The following PTPRD variants were observed in gnomAD, a reference collection of about 807,000 sequenced individuals.
The protein encoded by PTPRD is receptor-type tyrosine-protein phosphatase delta.
PTPRD carries 34 observed loss-of-function variants against 214.5 expected under a neutral mutation model. The observed-to-expected ratio is 0.16, with a 90% CI of 0.12 to 0.21. The LOEUF (loss-of-function observed/expected upper bound fraction) is 0.21, where lower values mean the gene tolerates loss of function less well. Ranked by LOEUF, PTPRD falls within the 10% of genes least tolerant of loss-of-function variation. The pLI is 1.00. For synonymous variants in PTPRD, 1,128 were observed against 845.7 expected, an observed-to-expected ratio of 1.33 and a Z score of -5.79; for missense variants, 2,545 against 2,398.7, an observed-to-expected ratio of 1.06 and a Z score of -1.27.
chr9:8,890,590 T>C (rs2098530661), intron 11 of PTPRD, among the ~76,000 whole-genome samples: 1 of 152,240 alleles, frequency 6.6e-6, no homozygotes, highest in Non-Finnish European at 1.5e-5. Context: ...GAAAGATCTT[T>C]ATTTTAATGT....
intron 7 of PTPRD, among the ~76,000 whole-genome samples, chr9:9,575,785 GA>G (rs35252772): frequency 0.4 from 43,985 of 110,076 alleles, 6,818 homozygotes; most frequent in African/African-American, 0.43. Context: ...GAAAGAAAAA[GA>G]AAAAAAAAAA....
At chr9:8,516,232 G>C (rs182875708) in intron 21 of PTPRD, among the ~76,000 whole-genome samples, 1 of 152,202 alleles carries the variant, frequency 6.6e-6, no homozygotes, top group Non-Finnish European at 1.5e-5. Flanking sequence ...TTTTTGGTAA[G>C]AACAGCCTAC....
intron 2 of PTPRD, among the ~76,000 whole-genome samples, chr9:10,346,879 T>C (rs1565446134): frequency 1.3e-5 from 2 of 152,206 alleles, no homozygotes; most frequent in African/African-American, 2.4e-5. Flanking sequence ...TGAGTAATCT[T>C]AGATCTATCC....
intron 7 of PTPRD, among the ~76,000 whole-genome samples, chr9:9,675,780 G>C (rs1034890743): frequency 6.6e-6 from 1 of 151,882 alleles, no homozygotes; most frequent in Admixed American, 6.6e-5. Context: ...TTTTAAAAGC[G>C]TCCCAATTCA....
chr9:9,451,712 G>T (rs2092232991), intron 8 of PTPRD, among the ~76,000 whole-genome samples: 2 of 151,484 alleles, frequency 1.3e-5, no homozygotes, highest in African/African-American at 4.8e-5. Context: ...CTTAAAATAT[G>T]AGCAAGGAGT....
intron 2 of PTPRD, among the ~76,000 whole-genome samples, chr9:10,563,653 TTTG>T (rs1237396448): frequency 1.4e-5 from 2 of 146,440 alleles, no homozygotes; most frequent in African/African-American, 2.6e-5. Context: ...TTGTTGTTGT[TTTG>T]TTGTTATCAT....
chr9:8,610,607 G>A (rs185865955), intron 14 of PTPRD, among the ~76,000 whole-genome samples: 3 of 152,244 alleles, frequency 2.0e-5, no homozygotes, highest in Admixed American at 2.0e-4. Flanking sequence ...CAAGGAGTGG[G>A]CATGCTAAGC....
chr9:8,507,740 T>G (rs1224167978), intron 21 of PTPRD, among the ~76,000 whole-genome samples: 1 of 152,186 alleles, frequency 6.6e-6, no homozygotes. Flanking sequence ...TGGTTGTTAG[T>G]AATAAATAAT....
chr9:9,840,513 T>C (rs1327514308), intron 5 of PTPRD, among the ~76,000 whole-genome samples: 4 of 152,090 alleles, frequency 2.6e-5, no homozygotes, highest in Admixed American at 6.6e-5. Flanking sequence ...TCTTACATTA[T>C]GTTTGGTCAT....
At chr9:8,481,006 G>C (rs970747952) in intron 30 of PTPRD, among the ~76,000 whole-genome samples, 2 of 151,994 alleles carry the variant, frequency 1.3e-5, no homozygotes, top group Non-Finnish European at 2.9e-5. Flanking sequence ...CAGGCGTGGT[G>C]GTGGGCTCCT....
chr9:8,678,047 G>A (rs1468540101), intron 12 of PTPRD, among the ~76,000 whole-genome samples: 1 of 152,138 alleles, frequency 6.6e-6, no homozygotes, highest in Non-Finnish European at 1.5e-5. Context: ...TGACAGCTTG[G>A]AATCCCGGCA....
chr9:10,115,042 C>T (rs1054885588), intron 3 of PTPRD, among the ~76,000 whole-genome samples: 7 of 142,876 alleles, frequency 4.9e-5, no homozygotes, highest in Non-Finnish European at 7.7e-5. Flanking sequence ...GAAAAAAAAA[C>T]GAGAAAAAAA....
At chr9:9,659,936 A>G (rs981439464) in intron 7 of PTPRD, among the ~76,000 whole-genome samples, 15 of 152,094 alleles carry the variant, frequency 9.9e-5, no homozygotes, top group African/African-American at 3.4e-4. Flanking sequence ...TCATAAATAT[A>G]CAGTGCTCAT....
intron 8 of PTPRD, among the ~76,000 whole-genome samples, chr9:9,409,637 A>G (rs2074709600): frequency 1.3e-5 from 2 of 152,058 alleles, no homozygotes; most frequent in African/African-American, 4.8e-5. Context: ...CCACAAAAGC[A>G]AAGGAACCCA....
chr9:9,140,056 T>C (rs2099857450), intron 10 of PTPRD, among the ~76,000 whole-genome samples: 1 of 151,988 alleles, frequency 6.6e-6, no homozygotes, highest in African/African-American at 2.4e-5. Flanking sequence ...AGATTTATTA[T>C]AGTCAGGAAA....
chr9:9,529,783 C>T (rs1159764877), intron 8 of PTPRD, among the ~76,000 whole-genome samples: 1 of 151,174 alleles, frequency 6.6e-6, no homozygotes, highest in Non-Finnish European at 1.5e-5. Flanking sequence ...AGGTATTTAC[C>T]CAATGAATAT....
chr9:10,375,531 C>T (rs553462075), intron 2 of PTPRD, among the ~76,000 whole-genome samples: 7 of 151,846 alleles, frequency 4.6e-5, no homozygotes, highest in Non-Finnish European at 7.4e-5. Flanking sequence ...GCGATGAATC[C>T]CAAAGCAAAA....
At chr9:8,450,597 T>C (rs377007927) in intron 33 of PTPRD, among the ~76,000 whole-genome samples, 1 of 152,206 alleles carries the variant, frequency 6.6e-6, no homozygotes. Context: ...CAGTGCCTTG[T>C]TATAAATGTG....
chr9:10,298,637 C>A lies in PTPRD; in HGVS notation c.-545+42326G>T, dbSNP rs528612291. ...GACAAAATACAAGGTAGACCCATTT[C>A]CCATGATTGTGATGCCTTCTTTCAA... On this transcript the variant is annotated intron_variant, in intron 3 of 45. Transcript: ENST00000381196. 1.1e-4 allele frequency among the ~76,000 whole-genome samples: 17 copies of A among 151,926 alleles called. No homozygotes were observed. In the South Asian group the frequency reaches 2.1e-3, roughly 19 times the overall value.
Sources: allele counts gnomAD v4.1 joint callset (sites outside exome capture counted in the v4.1 genomes callset), GRCh38; gene constraint gnomAD v4.1.1; transcripts MANE v1.5; gene names NCBI Gene and HGNC (gene_info 2026-07-23, HGNC 2026-07-21).